The following KRIT1 variants were observed in gnomAD, a reference collection of about 807,000 sequenced individuals.
KRIT1 encodes KRIT1 ankyrin repeat containing.
A neutral mutation model predicts 95.8 loss-of-function variants in KRIT1; 45 were observed. The observed-to-expected ratio is 0.47, with a 90% CI of 0.37 to 0.60. The LOEUF is 0.60. KRIT1 is among the 20% of genes least tolerant of loss of function. The pLI, the probability that KRIT1 is intolerant of heterozygous loss-of-function variation, is 0.00. For synonymous variants in KRIT1, 282 were observed against 278.8 expected, an observed-to-expected ratio of 1.01 and a Z score of -0.11; for missense variants, 788 against 877.5, an observed-to-expected ratio of 0.90 and a Z score of 1.29.
At chr7:92,219,948 G>A (rs189704968) in intron 14 of KRIT1, among the ~76,000 whole-genome samples, 1 of 152,294 alleles carries the variant, frequency 6.6e-6, no homozygotes. Context: ...ATAGACAACA[G>A]ATTTTGTGTG....
intron 4 of KRIT1, 64 bp downstream of exon 4, chr7:92,241,970 T>C: frequency 1.1e-6 from 1 of 891,742 alleles, no homozygotes. Flanking sequence ...TAAGGCTTTA[T>C]ATGTGAATGA....
Position 92,202,777 on chromosome 7 carries a change from T to C in KRIT1, c.2026-1354A>G, listed in dbSNP as rs187901160. ...GGTTCTGTGAATGAAACACAGGTAA[T>C]TTATGTGAGTATACATTAAGTATAA... On this transcript the variant is annotated intron_variant, in intron 17 of 18. Transcript: ENST00000394505. 2.8e-4 allele frequency among the ~76,000 whole-genome samples: 42 copies of C among 152,310 alleles called. No individual in the cohort carries two copies. The East Asian group carries it at 8.1e-3, about 29-fold the overall frequency.
chr7:92,210,360 G>A (rs899298334), intron 17 of KRIT1, among the ~76,000 whole-genome samples: 3 of 152,000 alleles, frequency 2.0e-5, no homozygotes, highest in South Asian at 2.1e-4. Context: ...ATGGAACAGA[G>A]AACCCAGAAA....
intron 17 of KRIT1, among the ~76,000 whole-genome samples, chr7:92,209,003 A>T (rs1032511616): frequency 3.3e-5 from 5 of 152,208 alleles, no homozygotes; most frequent in Non-Finnish European, 5.9e-5. Context: ...CCATGATCAA[A>T]TGGGATTTAT....
chr7:92,224,167 A>G (rs1048219559), intron 12 of KRIT1, among the ~76,000 whole-genome samples: 9 of 152,226 alleles, frequency 5.9e-5, no homozygotes, highest in Non-Finnish European at 8.8e-5. Context: ...TGTTAAATCC[A>G]AAGAGATACT....
At chr7:92,223,087 A>C (rs1038347100) in intron 12 of KRIT1, 109 bp from the exon 13 acceptor site, 2 of 737,674 alleles carry the variant, frequency 2.7e-6, no homozygotes, top group Non-Finnish European at 4.6e-6. Flanking sequence ...CTAACATGAA[A>C]AATATCAGAA....
chr7:92,206,862 C>A (rs895936620), intron 17 of KRIT1: 1 of 148,326 alleles, frequency 6.7e-6, no homozygotes, highest in Non-Finnish European at 1.5e-5. Context: ...AAAAGCACAA[C>A]TGAGAGCTTC....
intron 8 of KRIT1, 46 bp downstream of exon 8, chr7:92,235,357 G>A (rs1798207651): frequency 1.9e-6 from 3 of 1,592,350 alleles, no homozygotes; most frequent in South Asian, 2.2e-5. Context: ...TTACACTTGA[G>A]ATAAAACGTC....
chr7:92,222,061 ACAT>A lies in KRIT1; in HGVS notation c.1412-11_1412-9del. 1 of 1,608,680 alleles carries A rather than the reference ACAT, an allele frequency of 6.2e-7. No individual in the cohort carries two copies. On this transcript the variant is annotated splice_polypyrimidine_tract_variant and intron_variant, in intron 13 of 18. Transcript: ENST00000394505. ...ATGGTTTGAGTTGAAGGCCTGAAAA[ACAT>A]CATTCCTTTTATAAATGATAATGTA...
intron 12 of KRIT1, among the ~76,000 whole-genome samples, chr7:92,224,734 G>A (rs1306626360): frequency 6.6e-6 from 1 of 152,172 alleles, no homozygotes; most frequent in Non-Finnish European, 1.5e-5. Context: ...CTTTTATGAG[G>A]AGGAAAATGA....
chr7:92,240,967 T>C (rs1191412318), intron 5 of KRIT1, 26 bp downstream of exon 5: 10 of 1,539,386 alleles, frequency 6.5e-6, no homozygotes, highest in Admixed American at 1.7e-5. Flanking sequence ...TTAAACAATG[T>C]GTTTTTTAAA....
chr7:92,201,445 C>T (rs757892929), intron 17 of KRIT1, 22 bp from the exon 18 acceptor site: 21 of 1,116,466 alleles, frequency 1.9e-5, no homozygotes, highest in Middle Eastern at 2.0e-4. Flanking sequence ...TTGGAAACAA[C>T]TATATTGAAA....
intron 17 of KRIT1, 96 bp from the exon 18 acceptor site, chr7:92,201,519 T>C (rs768216501): frequency 1.3e-6 from 1 of 758,324 alleles, no homozygotes; most frequent in Non-Finnish European, 2.4e-6. Context: ...GCTCTAAATA[T>C]AATAGTTCAG....
chr7:92,240,220 T>C (rs1389417312), intron 5 of KRIT1, among the ~76,000 whole-genome samples: 6 of 152,150 alleles, frequency 3.9e-5, no homozygotes, highest in African/African-American at 1.4e-4. Flanking sequence ...CAAACCACAG[T>C]ATTTGGCTGT....
At chr7:92,218,191 A>G (rs1010778025) in intron 14 of KRIT1, among the ~76,000 whole-genome samples, 1 of 152,040 alleles carries the variant, frequency 6.6e-6, no homozygotes, top group Non-Finnish European at 1.5e-5. Flanking sequence ...AGCTAGAACC[A>G]CAGGTGTGTG....
At chr7:92,211,709 C>T (rs1437227532) in intron 17 of KRIT1, among the ~76,000 whole-genome samples, 1 of 152,052 alleles carries the variant, frequency 6.6e-6, no homozygotes, top group Non-Finnish European at 1.5e-5. Flanking sequence ...TGATGAATTT[C>T]CTAATTACCC....
intron 17 of KRIT1, among the ~76,000 whole-genome samples, chr7:92,204,972 A>T (rs1478893624): frequency 6.6e-6 from 1 of 152,196 alleles, no homozygotes; most frequent in Admixed American, 6.5e-5. Flanking sequence ...TTGCCCTTAA[A>T]GATAACCCTG....
intron 14 of KRIT1, among the ~76,000 whole-genome samples, chr7:92,219,743 C>T (rs1039022009): frequency 6.6e-5 from 10 of 152,186 alleles, no homozygotes; most frequent in African/African-American, 2.2e-4. Context: ...GACATCTTAA[C>T]GATGCTAACT....
chr7:92,200,759 T>C lies in KRIT1; in HGVS notation c.2188A>G (p.Met730Val), dbSNP rs749862548. Reference protein sequence around the residue: ...KLLMKLNGQLMPTERNS With the variant: ...KLLMKLNGQLVPTERNS Reference sequence around the variant, plus strand: ...TTTCATGAATTTCTTTCAGTGGGCATTAACTGTCCATTTAGCTTCATTAAC... The same window carrying C: ...TTTCATGAATTTCTTTCAGTGGGCACTAACTGTCCATTTAGCTTCATTAAC... The change falls in exon 19 of 19, where the codon ATG (methionine) becomes GTG (valine). Residue 730 changes from methionine to valine, a missense_variant. This residue lies in a region of KRIT1 where 493 missense variants were observed against 582.3 expected (regional missense o/e 0.85). Coordinates refer to ENST00000394505, the MANE Select transcript of KRIT1 (RefSeq NM_194454.3). 4 of 1,608,172 alleles carry C rather than the reference T, an allele frequency of 2.5e-6. No homozygotes were observed. Among genetic ancestry groups the C allele is most frequent in the East Asian group, 2.2e-5 (1 of 44,848 alleles).
Sources: allele counts gnomAD v4.1 joint callset (sites outside exome capture counted in the v4.1 genomes callset), GRCh38; gene constraint gnomAD v4.1.1; regional missense constraint gnomAD v4.1.1; transcripts MANE v1.5; gene names NCBI Gene and HGNC (gene_info 2026-07-23, HGNC 2026-07-21).